Variants in AGMO observed in about 807,000 individuals in gnomAD.
The protein encoded by AGMO is alkylglycerol monooxygenase.
Under a neutral mutation model 60.2 loss-of-function variants are expected in AGMO, and 75 were observed. The observed-to-expected ratio is 1.25, with a 90% CI of 1.03 to 1.51. The LOEUF (loss-of-function observed/expected upper bound fraction) is 1.51, where lower values mean the gene tolerates loss of function less well. AGMO is among the 40% of genes most tolerant of loss of function. The pLI is 0.00. For synonymous variants in AGMO, 261 were observed against 177.1 expected (o/e 1.47, Z -3.76); for missense variants, 763 against 525.5 (o/e 1.45, Z -4.42).
chr7:15,224,443 T>C (rs1327928806), intron 12 of AGMO, among the ~76,000 whole-genome samples: 1 of 150,930 alleles, frequency 6.6e-6, no homozygotes, highest in Non-Finnish European at 1.5e-5. Flanking sequence ...TGTCCTCTCT[T>C]TCTCTCTCTC....
chr7:15,554,072 A>G (rs1210013038), intron 2 of AGMO, among the ~76,000 whole-genome samples: 1 of 152,112 alleles, frequency 6.6e-6, no homozygotes, highest in Non-Finnish European at 1.5e-5. Flanking sequence ...AATTCACCTA[A>G]CCAATACAGC....
intron 12 of AGMO, among the ~76,000 whole-genome samples, chr7:15,261,219 G>T (rs1308227665): frequency 6.6e-6 from 1 of 151,908 alleles, no homozygotes; most frequent in Non-Finnish European, 1.5e-5. Flanking sequence ...TAAACCAAAA[G>T]CTTGTTTTTG....
At chr7:15,509,314 A>AAAAT (rs1367717695) in intron 3 of AGMO, among the ~76,000 whole-genome samples, 1 of 152,044 alleles carries the variant, frequency 6.6e-6, no homozygotes, top group Non-Finnish European at 1.5e-5. Context: ...AAAATACACA[A>AAAAT]TGGGGAAAGA....
intron 3 of AGMO, among the ~76,000 whole-genome samples, chr7:15,435,495 T>C (rs567978212): frequency 6.6e-6 from 1 of 152,290 alleles, no homozygotes; most frequent in Admixed American, 6.5e-5. Context: ...AATGGCTCTA[T>C]GTACCTAATC....
intron 3 of AGMO, among the ~76,000 whole-genome samples, chr7:15,532,103 A>G (rs1784384014): frequency 6.6e-6 from 1 of 152,220 alleles, no homozygotes; most frequent in African/African-American, 2.4e-5. Context: ...GAAGCAGAGG[A>G]AGCATCACTT....
intron 8 of AGMO, among the ~76,000 whole-genome samples, chr7:15,388,633 A>G (rs940291161): frequency 1.3e-5 from 2 of 152,148 alleles, no homozygotes; most frequent in Non-Finnish European, 2.9e-5. Context: ...ATGACAAAGG[A>G]GGGCAAGGTC....
chr7:15,241,132 C>G (rs1039767440), intron 12 of AGMO, among the ~76,000 whole-genome samples: 1 of 151,878 alleles, frequency 6.6e-6, no homozygotes, highest in Non-Finnish European at 1.5e-5. Flanking sequence ...AATGCGCTCA[C>G]TCTGGTAGGT....
chr7:15,487,527 T>A (rs922832868), intron 3 of AGMO, among the ~76,000 whole-genome samples: 1 of 152,166 alleles, frequency 6.6e-6, no homozygotes, highest in African/African-American at 2.4e-5. Context: ...ATATATCAGG[T>A]ATCATGTTTT....
At chr7:15,256,492 A>G (rs771152553) in intron 12 of AGMO, among the ~76,000 whole-genome samples, 7 of 151,924 alleles carry the variant, frequency 4.6e-5, no homozygotes, top group Non-Finnish European at 1.0e-4. Context: ...ACAGGCGCCC[A>G]CCACGACGCC....
At chr7:15,371,552 A>G (rs939099788) in intron 10 of AGMO, among the ~76,000 whole-genome samples, 4 of 151,662 alleles carry the variant, frequency 2.6e-5, no homozygotes, top group Non-Finnish European at 4.4e-5. Flanking sequence ...CACCTTACAT[A>G]CCCGACTAAT....
At chr7:15,393,114 CT>C (rs1340107555) in intron 6 of AGMO, among the ~76,000 whole-genome samples, 3 of 152,222 alleles carry the variant, frequency 2.0e-5, no homozygotes, top group Admixed American at 1.3e-4. Flanking sequence ...AAATCAAGGA[CT>C]TTCTGTCCTC....
At chr7:15,170,502 G>A in the AGMO span, among the ~76,000 whole-genome samples, 60,047 of 151,902 alleles carry the variant, frequency 0.4, 12,666 homozygotes, top group East Asian at 0.71. Context: ...CTGTGTATAT[G>A]CATGCATACA....
chr7:15,201,580 G>A (rs1781284047), intron 12 of AGMO, among the ~76,000 whole-genome samples: 1 of 152,130 alleles, frequency 6.6e-6, no homozygotes, highest in African/African-American at 2.4e-5. Flanking sequence ...TTTTATTTCT[G>A]TGGCTTGTTT....
At chr7:15,379,075 G>C (rs1165444114) in intron 10 of AGMO, among the ~76,000 whole-genome samples, 1 of 151,864 alleles carries the variant, frequency 6.6e-6, no homozygotes, top group Non-Finnish European at 1.5e-5. Context: ...TGAGAACAAA[G>C]ACACAACACA....
the AGMO span, among the ~76,000 whole-genome samples, chr7:15,119,843 T>A: frequency 2.0e-5 from 3 of 152,124 alleles, no homozygotes; most frequent in South Asian, 6.2e-4. Flanking sequence ...AACTTTTGGA[T>A]ATTTCCATCA....
chr7:15,225,131 G>A (rs576417173), intron 12 of AGMO, among the ~76,000 whole-genome samples: 10 of 150,904 alleles, frequency 6.6e-5, no homozygotes, highest in African/African-American at 1.7e-4. Flanking sequence ...TAAATATATT[G>A]TTTGATACAG....
the AGMO span, among the ~76,000 whole-genome samples, chr7:15,150,453 C>T: frequency 6.6e-6 from 1 of 151,896 alleles, no homozygotes; most frequent in Non-Finnish European, 1.5e-5. Context: ...TCATAGATGG[C>T]TCTTATTATT....
chr7:15,505,377 C>T (rs915388909), intron 3 of AGMO, among the ~76,000 whole-genome samples: 5 of 152,012 alleles, frequency 3.3e-5, no homozygotes, highest in East Asian at 1.9e-4. Context: ...AAAGCTAAAA[C>T]GTGTCTGTCT....
At chr7:15,277,175 G>T (rs536054520) in intron 12 of AGMO, among the ~76,000 whole-genome samples, 7 of 152,126 alleles carry the variant, frequency 4.6e-5, no homozygotes, top group African/African-American at 1.7e-4. Flanking sequence ...GGGCATGGTG[G>T]TGGGTGCCTG....
Sources: allele counts gnomAD v4.1 joint callset (sites outside exome capture counted in the v4.1 genomes callset), GRCh38; gene constraint gnomAD v4.1.1; transcripts MANE v1.5; gene names NCBI Gene and HGNC (gene_info 2026-07-23, HGNC 2026-07-21).